Variants in CREB5 observed in about 807,000 individuals in gnomAD.
CREB5 encodes cAMP responsive element binding protein 5, also known as cyclic AMP-responsive element-binding protein 5.
In CREB5, 19 loss-of-function variants were observed where a neutral mutation model predicts 57.1. The ratio of observed to expected loss-of-function variants is 0.33; its 90% CI spans 0.23 to 0.49. CREB5 has a LOEUF of 0.49. Among genes scored for constraint, CREB5 ranks in the 20% least tolerant of loss-of-function variants. The pLI is 0.99. For synonymous variants in CREB5, 238 were observed against 238.3 expected (o/e 1.00, Z 0.01); for missense variants, 579 against 671.6 (o/e 0.86, Z 1.52).
intron 1 of CREB5, among the ~76,000 whole-genome samples, chr7:28,450,524 A>T (rs946713879): frequency 2.0e-5 from 3 of 152,222 alleles, no homozygotes; most frequent in African/African-American, 7.2e-5. Context: ...CCCAACATAG[A>T]TTTAGAAAAG....
At chr7:28,674,163 T>A (rs1056477413) in intron 5 of CREB5, among the ~76,000 whole-genome samples, 2 of 152,116 alleles carry the variant, frequency 1.3e-5, no homozygotes, top group African/African-American at 4.8e-5. Flanking sequence ...GATCTTCAAA[T>A]TTTCTGCATT....
At chr7:28,692,533 A>G (rs1184050087) in intron 5 of CREB5, among the ~76,000 whole-genome samples, 1 of 152,192 alleles carries the variant, frequency 6.6e-6, no homozygotes, top group Non-Finnish European at 1.5e-5. Context: ...TCACTCTTCT[A>G]CTTACTGGTT....
intron 5 of CREB5, among the ~76,000 whole-genome samples, chr7:28,665,396 A>G (rs1328215556): frequency 6.6e-6 from 1 of 152,238 alleles, no homozygotes; most frequent in Non-Finnish European, 1.5e-5. Context: ...TCCCCCAAAC[A>G]GTAATGAGTC....
rs58604848 is a variant in CREB5 at position 28,805,061 on chromosome 7, T to A, written c.1026+539T>A. ...GCAGACAAAGAAGCTCCATCATGGATGCTAGGGCGTAAGGTGCTGTGTAAA... is the reference window on the plus strand; with the variant it reads ...GCAGACAAAGAAGCTCCATCATGGAAGCTAGGGCGTAAGGTGCTGTGTAAA... On this transcript the variant is annotated intron_variant, in intron 8 of 10. Transcript: ENST00000357727. Among the ~76,000 whole-genome samples the A allele has an allele frequency of 5.0e-3, 765 of 152,308 alleles. 4 individuals carry two copies. Among genetic ancestry groups the A allele is most frequent in the African/African-American group, 0.018 (730 of 41,546 alleles).
At chr7:28,509,796 G>T (rs1191440233) in intron 4 of CREB5, among the ~76,000 whole-genome samples, 3 of 152,166 alleles carry the variant, frequency 2.0e-5, no homozygotes, top group African/African-American at 7.2e-5. Flanking sequence ...GCCATGTGAT[G>T]CTTTCATGAT....
chr7:28,520,556 C>T (rs1401032139), intron 4 of CREB5, among the ~76,000 whole-genome samples: 1 of 152,218 alleles, frequency 6.6e-6, no homozygotes, highest in African/African-American at 2.4e-5. Context: ...TGTCACTGGG[C>T]TGACTGTAAA....
intron 7 of CREB5, among the ~76,000 whole-genome samples, chr7:28,764,739 A>G (rs1477571589): frequency 6.6e-6 from 1 of 152,224 alleles, no homozygotes; most frequent in African/African-American, 2.4e-5. Context: ...TCAGTTTTAT[A>G]TGTTTTCATA....
At chr7:28,552,042 C>CTCTTT (rs1794691291) in intron 4 of CREB5, among the ~76,000 whole-genome samples, 38 of 144,658 alleles carry the variant, frequency 2.6e-4, no homozygotes, top group African/African-American at 9.3e-4. Flanking sequence ...TTTTCTCTCT[C>CTCTTT]CTCTCTTCTC....
chr7:28,486,479 T>A (rs1311537589), intron 1 of CREB5, among the ~76,000 whole-genome samples: 1 of 151,574 alleles, frequency 6.6e-6, no homozygotes, highest in Non-Finnish European at 1.5e-5. Context: ...AGTGGCATTT[T>A]AAGAAGGCAA....
chr7:28,420,924 A>G (rs1052804242), intron 1 of CREB5, among the ~76,000 whole-genome samples: 2 of 152,214 alleles, frequency 1.3e-5, no homozygotes, highest in Non-Finnish European at 2.9e-5. Context: ...GATGGGGGAA[A>G]ATAGAGTGTA....
In CREB5 at chr7:28,802,900, T is replaced by G. The variant is rs1013012243; in HGVS notation, c.703-1299T>G. ...AATAACATTTCTGACATGTAAAAATTATATGAAATTCAGATTTCCTGTCCC... is the reference window on the plus strand; with the variant it reads ...AATAACATTTCTGACATGTAAAAATGATATGAAATTCAGATTTCCTGTCCC... On this transcript the variant is annotated intron_variant, in intron 7 of 10. Transcript: ENST00000357727. Among the ~76,000 whole-genome samples the G allele has an allele frequency of 2.6e-5, 4 of 152,344 alleles. No homozygotes were observed. The South Asian group carries it at 8.3e-4, about 32-fold the overall frequency.
intron 5 of CREB5, among the ~76,000 whole-genome samples, chr7:28,633,104 G>A (rs1798267314): frequency 6.6e-6 from 1 of 152,180 alleles, no homozygotes; most frequent in South Asian, 2.1e-4. Context: ...ACATGAGGTA[G>A]GCACTAGGAT....
At chr7:28,392,262 CT>C (rs1222100107) in intron 1 of CREB5, among the ~76,000 whole-genome samples, 5 of 152,082 alleles carry the variant, frequency 3.3e-5, no homozygotes, top group Non-Finnish European at 7.4e-5. Context: ...ACAGGTACCC[CT>C]GAACCTAAAA....
chr7:28,467,108 T>A (rs1790614417), intron 1 of CREB5, among the ~76,000 whole-genome samples: 1 of 152,160 alleles, frequency 6.6e-6, no homozygotes, highest in Non-Finnish European at 1.5e-5. Context: ...TACTACCCAG[T>A]GCCCAGCAGG....
chr7:28,493,474 C>T (rs181459333), intron 2 of CREB5, among the ~76,000 whole-genome samples: 77 of 152,302 alleles, frequency 5.1e-4, no homozygotes, highest in Non-Finnish European at 9.8e-4. Flanking sequence ...GCAGGAAGTT[C>T]TTCATAATCC....
chr7:28,523,644 A>G (rs568206360), intron 4 of CREB5, among the ~76,000 whole-genome samples: 52 of 152,312 alleles, frequency 3.4e-4, no homozygotes, highest in Admixed American at 1.2e-3. Context: ...TGCTCAGGAA[A>G]ATGAAATAAG....
intron 5 of CREB5, among the ~76,000 whole-genome samples, chr7:28,688,740 T>A (rs777652609): frequency 6.6e-6 from 1 of 152,190 alleles, no homozygotes; most frequent in Non-Finnish European, 1.5e-5. Context: ...TGCCTATCTG[T>A]GGGAAGAAAT....
At chr7:28,688,195 G>T (rs1338286268) in intron 5 of CREB5, among the ~76,000 whole-genome samples, 1 of 152,060 alleles carries the variant, frequency 6.6e-6, no homozygotes, top group Non-Finnish European at 1.5e-5. Context: ...AACAAACATG[G>T]TAAACTTTTT....
intron 5 of CREB5, among the ~76,000 whole-genome samples, chr7:28,642,044 G>C (rs1798680367): frequency 1.3e-5 from 2 of 152,194 alleles, no homozygotes; most frequent in African/African-American, 4.8e-5. Flanking sequence ...AAATACCTGG[G>C]TGTAAGATGG....
Sources: gnomAD v4.1 joint callset for allele counts (sites outside exome capture counted in the v4.1 genomes callset) on GRCh38, gnomAD v4.1.1 for gene constraint, MANE v1.5 for transcripts, NCBI Gene and HGNC (gene_info 2026-07-23, HGNC 2026-07-21) for gene names.